Variants in CD300LF observed in about 807,000 individuals in gnomAD.
CD300LF encodes CMRF35-like molecule 1.
In CD300LF, 27 loss-of-function variants were observed where a neutral mutation model predicts 32.2. The ratio of observed to expected loss-of-function variants is 0.84; its 90% CI spans 0.62 to 1.15. The LOEUF (loss-of-function observed/expected upper bound fraction) is 1.15. Among genes scored for constraint, CD300LF ranks in the 50% most tolerant of loss-of-function variants. The pLI is 0.00. For missense variants in CD300LF, 348 were observed against 356.8 expected, an observed-to-expected ratio of 0.98 and a Z score of 0.20; for synonymous variants, 139 against 143.2, an observed-to-expected ratio of 0.97 and a Z score of 0.21.
At chr17:74,706,222 A>G (rs1052676175) in intron 1 of CD300LF, among the ~76,000 whole-genome samples, 1 of 151,906 alleles carries the variant, frequency 6.6e-6, no homozygotes, top group Non-Finnish European at 1.5e-5. Flanking sequence ...TATCCATGTA[A>G]CAAACCTGCA....
At chr17:74,699,715 G>A (rs1401357764) in intron 3 of CD300LF, among the ~76,000 whole-genome samples, 4 of 152,094 alleles carry the variant, frequency 2.6e-5, no homozygotes, top group Non-Finnish European at 4.4e-5. Flanking sequence ...GTGAGAGAAC[G>A]TATTTCTTTT....
At chr17:74,703,509 C>G (rs2033249379) in intron 2 of CD300LF, among the ~76,000 whole-genome samples, 1 of 152,184 alleles carries the variant, frequency 6.6e-6, no homozygotes, top group Non-Finnish European at 1.5e-5. Context: ...AGAGTGGGAA[C>G]TTGCACAGTG....
intron 1 of CD300LF, among the ~76,000 whole-genome samples, chr17:74,706,679 C>G (rs1159339187): frequency 6.6e-6 from 1 of 152,066 alleles, no homozygotes; most frequent in Non-Finnish European, 1.5e-5. Flanking sequence ...AAAAACAAAA[C>G]AAAACAAAAC....
At position 74,703,284 on chromosome 17, in the gene CD300LF, G is replaced by A. The variant is rs571915315; in HGVS notation, c.383-186C>T. ...AGGGGCTGCAGCCTGGACCACTCATGTCTCCCTGGTCTCTAGGAGACTCCA... is the reference window on the plus strand; with the variant it reads ...AGGGGCTGCAGCCTGGACCACTCATATCTCCCTGGTCTCTAGGAGACTCCA... On this transcript the variant is annotated intron_variant, in intron 2 of 6. Transcript: ENST00000326165. 8 of 631,850 alleles carry A rather than the reference G, an allele frequency of 1.3e-5. No homozygotes were observed. The East Asian group carries it at 2.3e-4, about 18-fold the overall frequency. The allele number at this position is 631,850 out of a possible 1,614,324, so 39.1% of individuals were successfully genotyped here. A position where few individuals can be genotyped will look rare whatever the true frequency, so the allele number is the denominator to read the frequency against.
chr17:74,695,579 C>G (rs908080676), intron 6 of CD300LF, 146 bp downstream of exon 6: 1 of 1,176,720 alleles, frequency 8.5e-7, no homozygotes, highest in Admixed American at 2.3e-5. Context: ...AGCTCCTAGG[C>G]GAGTCCTGCA....
Position 74,704,670 on chromosome 17 carries a change from T to C in CD300LF, c.190A>G (p.Ile64Val). ...CRGAIWRDCK[I>V]LVKTSGSEQE... The stretch of plus-strand genomic sequence containing the variant: ...TCTGACCCACTGGTTTTAACAAGGA[T>C]CTTGCAGTCACGCCAAATAGCTCCT... Residue 64 changes from isoleucine to valine, a missense_variant, in exon 2 of 7, where the codon ATC (isoleucine) becomes GTC (valine). Ile to Val is a conservative substitution (Grantham distance 29, BLOSUM62 3). Coordinates refer to ENST00000326165, the MANE Select transcript of CD300LF (RefSeq NM_139018.5). 1 of 1,614,168 alleles carries C rather than the reference T, an allele frequency of 6.2e-7. No homozygotes were observed. Among genetic ancestry groups the C allele is most frequent in the Non-Finnish European group, 8.5e-7 (1 of 1,180,038 alleles).
chr17:74,703,200 A>C, intron 2 of CD300LF, 102 bp from the exon 3 acceptor site: 1 of 1,423,946 alleles, frequency 7.0e-7, no homozygotes, highest in Admixed American at 1.8e-5. Flanking sequence ...CCATGAGCCC[A>C]CCCGCAGCCC....
chr17:74,704,383 A>G, intron 2 of CD300LF, 95 bp downstream of exon 2: 2 of 915,720 alleles, frequency 2.2e-6, no homozygotes, highest in East Asian at 4.8e-5. Context: ...CAAGTGATAG[A>G]TCACTCAGTG....
At chr17:74,710,699 A>G (rs1366825609) in intron 1 of CD300LF, among the ~76,000 whole-genome samples, 1 of 141,654 alleles carries the variant, frequency 7.1e-6, no homozygotes, top group Admixed American at 7.1e-5. Context: ...TCTCTACTAA[A>G]AATACGAAAA....
chr17:74,704,343 G>T (rs1394887380), intron 2 of CD300LF, 135 bp downstream of exon 2: 2 of 674,398 alleles, frequency 3.0e-6, no homozygotes, highest in African/African-American at 1.8e-5. Flanking sequence ...GTCCCAGGTG[G>T]TCAGTCAGGG....
intron 3 of CD300LF, 81 bp from the exon 4 acceptor site, chr17:74,698,562 G>A (rs2032740749): frequency 1.3e-6 from 2 of 1,535,386 alleles, no homozygotes. Context: ...CAGCAGCAGG[G>A]GAGGGCCACA....
rs1432207534 is a variant in CD300LF, at chr17:74,695,716, A to G, written c.717+9T>C. On this transcript the variant is annotated intron_variant, in intron 6 of 6. Coordinates refer to ENST00000326165, the MANE Select transcript of CD300LF (RefSeq NM_139018.5). ...CCCAGCCTCACAGCAGCCCCCATGG[A>G]GGACGCACCATGGTGACATATTCCA... is the stretch of plus-strand genomic sequence containing the variant. 11 of 1,614,010 alleles carry G rather than the reference A, an allele frequency of 6.8e-6. No individual in the cohort carries two copies. The highest frequency in any genetic ancestry group is 9.3e-6 in the Non-Finnish European group (11 of 1,179,984).
Position 74,698,443 on chromosome 17 carries a change from A to G in CD300LF, c.485T>C (p.Ile162Thr). The G allele has an allele frequency of 6.2e-7, 1 of 1,614,038 alleles. No individual in the cohort carries two copies. The highest frequency in any genetic ancestry group is 8.5e-7 in the Non-Finnish European group (1 of 1,180,008). The change falls in exon 4 of 7, where the codon ATC becomes ACC. Residue 162 changes from isoleucine (I) to threonine (T), a missense_variant. Transcript: ENST00000326165. The part of the protein sequence containing the change: ...LLKLSVLLPL[I>T]FTILLLLLVA... ...CAAAAGCAGCAGCAATATGGTGAAG[A>G]TGAGGGGCAGGAGGACACTGAGCTT...
intron 1 of CD300LF, among the ~76,000 whole-genome samples, chr17:74,712,620 C>A (rs2034053718): frequency 1.3e-5 from 2 of 152,228 alleles, no homozygotes; most frequent in African/African-American, 4.8e-5. Context: ...AGGAATTCTG[C>A]CTTGCACTGG....
chr17:74,702,997 G>T, intron 3 of CD300LF, 38 bp downstream of exon 3: 2 of 1,529,230 alleles, frequency 1.3e-6, no homozygotes, highest in South Asian at 1.1e-5. Context: ...GGAGGAGTTT[G>T]GGCCAAGTAG....
At position 74,695,157 on chromosome 17, in the gene CD300LF, C is replaced by T. The variant is rs749404330; in HGVS notation, c.812G>A (p.Ser271Asn). 2 of 1,614,052 alleles carry T rather than the reference C, an allele frequency of 1.2e-6. No homozygotes were observed. The highest frequency in any genetic ancestry group is 1.7e-5 in the Admixed American group (1 of 60,000). ...CTCAGGGCCCCTGCCGGGGAGGTGG[C>T]TACTGAGGTGGCCCATGTTGCAGTA... ...PTYCNMGHLS[S>N]HLPGRGPEEP... Residue 271 changes from serine to asparagine, a missense_variant, in exon 7 of 7, where the codon AGC becomes AAC. By Grantham distance (46) the Ser-to-Asn change is conservative. Transcript: ENST00000326165.
chr17:74,712,872 C>A lies in CD300LF; in HGVS notation c.-6G>T. The A allele has an allele frequency of 6.2e-7, 1 of 1,614,002 alleles. No homozygotes were observed. The highest frequency in any genetic ancestry group is 1.7e-5 in the Admixed American group (1 of 59,994). On this transcript the variant is annotated 5_prime_UTR_variant, in exon 1 of 7. Coordinates refer to ENST00000326165, the MANE Select transcript of CD300LF (RefSeq NM_139018.5). The stretch of plus-strand genomic sequence containing the variant: ...TAGAGTGTCAGCAGGGGCATCTTCT[C>A]TTCAGACAGGTCCCCGTTCCCCTCA...
intron 1 of CD300LF, among the ~76,000 whole-genome samples, chr17:74,708,537 G>A (rs1008239495): frequency 3.9e-5 from 6 of 152,158 alleles, no homozygotes; most frequent in Admixed American, 1.3e-4. Flanking sequence ...ATCAGCATAC[G>A]GAATCTGGTG....
chr17:74,706,679 C>T (rs1159339187), intron 1 of CD300LF, among the ~76,000 whole-genome samples: 2 of 152,066 alleles, frequency 1.3e-5, no homozygotes, highest in Admixed American at 6.6e-5. Context: ...AAAAACAAAA[C>T]AAAACAAAAC....
Sources: allele counts gnomAD v4.1 joint callset (sites outside exome capture counted in the v4.1 genomes callset), GRCh38; gene constraint gnomAD v4.1.1; transcripts MANE v1.5; gene names NCBI Gene and HGNC (gene_info 2026-07-23, HGNC 2026-07-21).